Variants in NDUFA8 observed in about 807,000 individuals in gnomAD.
The protein encoded by NDUFA8 is NADH dehydrogenase [ubiquinone] 1 alpha subcomplex subunit 8.
In NDUFA8, 16 loss-of-function variants were observed where a neutral mutation model predicts 20.9. The ratio of observed to expected loss-of-function variants is 0.77; its 90% confidence interval spans 0.52 to 1.16. The LOEUF (loss-of-function observed/expected upper bound fraction) is 1.16, where lower values mean the gene tolerates loss of function less well. Ranked by LOEUF, NDUFA8 falls within the 50% of genes most tolerant of loss-of-function variation. The probability of loss-of-function intolerance (pLI) is 0.00; values close to 1 mark genes in which losing one functional copy is unlikely to be tolerated. For synonymous variants in NDUFA8, 70 were observed against 76.1 expected (o/e 0.92, Z 0.41); for missense variants, 202 against 216.4 (o/e 0.93, Z 0.42).
chr9:122,148,002 G>T, intron 3 of NDUFA8, 110 bp downstream of exon 3: 2 of 1,273,738 alleles, frequency 1.6e-6, no homozygotes, highest in Non-Finnish European at 2.3e-6. Flanking sequence ...TGGTAAATCT[G>T]GTAAGTTCTT....
chr9:122,137,648 G>T, the NDUFA8 span, among the ~76,000 whole-genome samples: 1 of 152,168 alleles, frequency 6.6e-6, no homozygotes, highest in Non-Finnish European at 1.5e-5. Flanking sequence ...AGCCCAAAAT[G>T]CTCTTCTCAT....
chr9:122,138,392 A>G, the NDUFA8 span, among the ~76,000 whole-genome samples: 2 of 152,204 alleles, frequency 1.3e-5, no homozygotes, highest in Non-Finnish European at 2.9e-5. Flanking sequence ...CAGCATTTTT[A>G]CTGAGACTGT....
Position 122,152,206 on chromosome 9 carries a change from T to C in NDUFA8, c.215+39A>G, listed in dbSNP as rs376144075. The C allele has an allele frequency of 1.6e-4, 258 of 1,612,354 alleles. 1 individual carries two copies. In the Admixed American group the frequency reaches 1.8e-3, roughly 11 times the overall value. ...GTTCACTTATTCATTTAAACCTTTA[T>C]GCTTCAACCAAGTAGGCACTGATAC... On this transcript the variant is annotated intron_variant, in intron 2 of 3. Transcript: ENST00000373768.
rs780562075 is a variant in NDUFA8, at chr9:122,148,252, G to C, written c.241C>G (p.Pro81Ala). 72 of 1,614,040 alleles carry C rather than the reference G, an allele frequency of 4.5e-5. No homozygotes were observed. Among genetic ancestry groups the C allele is most frequent in the Non-Finnish European group, 5.9e-5 (70 of 1,180,030 alleles). ...ATGCAAGTCCAATATTCTGTAAAAGGCTCTGCACAGTGACGTTTTATCTGC... is the reference window on the plus strand; with the variant it reads ...ATGCAAGTCCAATATTCTGTAAAAGCCTCTGCACAGTGACGTTTTATCTGC... Reference protein sequence around the residue: ...FRQIKRHCAEPFTEYWTCIDY... With the variant: ...FRQIKRHCAEAFTEYWTCIDY... The change falls in exon 3 of 4, where the codon CCT (proline) becomes GCT (alanine). Residue 81 changes from proline (P) to alanine (A), a missense_variant. Transcript: ENST00000373768.
chr9:122,159,351 T>C (rs1298409049), intron 1 of NDUFA8, among the ~76,000 whole-genome samples: 2 of 152,158 alleles, frequency 1.3e-5, no homozygotes, highest in South Asian at 2.1e-4. Flanking sequence ...CTTAATAAAA[T>C]GTATCACTAT....
At chr9:122,159,592 C>A in intron 1 of NDUFA8, 35 bp downstream of exon 1, 1 of 1,613,600 alleles carries the variant, frequency 6.2e-7, no homozygotes, top group South Asian at 1.1e-5. Flanking sequence ...GCCGCAGCCC[C>A]ATGTCTCCCT....
chr9:122,132,979 C>T, the NDUFA8 span: 15 of 455,946 alleles, frequency 3.3e-5, no homozygotes, highest in Middle Eastern at 3.2e-4. Context: ...TCACCCCTAG[C>T]GAGGGAAAAG....
At chr9:122,159,593 A>G (rs1829147986) in intron 1 of NDUFA8, 34 bp downstream of exon 1, 2 of 1,613,632 alleles carry the variant, frequency 1.2e-6, no homozygotes, top group Non-Finnish European at 1.7e-6. Flanking sequence ...CCGCAGCCCC[A>G]TGTCTCCCTT....
the NDUFA8 span, among the ~76,000 whole-genome samples, chr9:122,137,696 A>T: frequency 5.3e-5 from 8 of 152,208 alleles, no homozygotes; most frequent in Admixed American, 3.9e-4. Context: ...CCAGGTGATT[A>T]GGTCTATTTC....
downstream of NDUFA8, among the ~76,000 whole-genome samples, chr9:122,141,849 C>G (rs949758064): frequency 1.2e-4 from 19 of 152,068 alleles, no homozygotes; most frequent in African/African-American, 4.6e-4. Flanking sequence ...GTAATCCCAT[C>G]GCGAGTACAG....
chr9:122,135,223 T>C, the NDUFA8 span, among the ~76,000 whole-genome samples: 9 of 152,186 alleles, frequency 5.9e-5, no homozygotes, highest in East Asian at 1.9e-4. Context: ...AGGGGTCCCA[T>C]TGGCCGCACA....
At chr9:122,157,686 C>CG (rs1264404242) in intron 1 of NDUFA8, among the ~76,000 whole-genome samples, 7 of 112,586 alleles carry the variant, frequency 6.2e-5, no homozygotes, top group East Asian at 4.6e-4. Context: ...GGTGGTTCGC[C>CG]GGGGGGAACA....
the NDUFA8 span, among the ~76,000 whole-genome samples, chr9:122,135,538 T>A: frequency 6.6e-6 from 1 of 152,116 alleles, no homozygotes; most frequent in Non-Finnish European, 1.5e-5. Context: ...TCGAAACTGA[T>A]AACTAAGAGG....
intron 1 of NDUFA8, among the ~76,000 whole-genome samples, chr9:122,155,220 C>T (rs1359192350): frequency 6.6e-6 from 1 of 152,198 alleles, no homozygotes; most frequent in Non-Finnish European, 1.5e-5. Flanking sequence ...GCTGGGATTA[C>T]AGGCATGCGC....
intron 1 of NDUFA8, among the ~76,000 whole-genome samples, chr9:122,154,331 C>T (rs1327119190): frequency 5.3e-5 from 8 of 152,260 alleles, no homozygotes; most frequent in Admixed American, 2.6e-4. Context: ...ATCACACCTT[C>T]TCATCCACAA....
chr9:122,142,700 A>C (rs914375980), downstream of NDUFA8, among the ~76,000 whole-genome samples: 2 of 152,208 alleles, frequency 1.3e-5, no homozygotes. Flanking sequence ...GACTCTGGGC[A>C]TTGAAGGAGG....
chr9:122,159,453 G>A (rs12336139), intron 1 of NDUFA8, among the ~76,000 whole-genome samples, 174 bp downstream of exon 1: 3,352 of 152,220 alleles, frequency 0.022, 131 homozygotes, highest in African/African-American at 0.076. Context: ...GGTAGAGAGG[G>A]GAGGCGACTC....
At chr9:122,155,848 C>T (rs1440741312) in intron 1 of NDUFA8, among the ~76,000 whole-genome samples, 2 of 152,176 alleles carry the variant, frequency 1.3e-5, no homozygotes, top group Admixed American at 6.5e-5. Context: ...TTATTTATTT[C>T]CCTACAAATG....
chr9:122,152,370 A>C lies in NDUFA8; in HGVS notation c.90T>G (p.His30Gln). 6.2e-7 allele frequency: 1 copy of C among 1,614,098 alleles called. No homozygotes were observed. Among genetic ancestry groups the C allele is most frequent in the East Asian group, 2.2e-5 (1 of 44,876 alleles). Residue 30 changes from histidine to glutamine, a missense_variant, in exon 2 of 4, where the codon CAT becomes CAG. Physicochemically the swap from His to Gln is conservative, Grantham distance 24. Transcript: ENST00000373768. ...GCTTATCACATTGAGCTCCATAGTG[A>C]TGGGCCGCAGCTTTAAGCACAGCAG... Reference protein sequence around the residue: ...ISSAVLKAAAHHYGAQCDKPN... With the variant: ...ISSAVLKAAAQHYGAQCDKPN...
Sources: allele counts gnomAD v4.1 joint callset (sites outside exome capture counted in the v4.1 genomes callset), GRCh38; gene constraint gnomAD v4.1.1; transcripts MANE v1.5; gene names NCBI Gene and HGNC (gene_info 2026-07-23, HGNC 2026-07-21).